XPOT: variants seen among roughly 807,000 people sequenced by gnomAD.
XPOT encodes the protein exportin for tRNA.
A neutral mutation model predicts 128.2 loss-of-function variants in XPOT; 34 were observed. The ratio of observed to expected loss-of-function variants is 0.27; its 90% CI spans 0.20 to 0.35. The LOEUF is 0.35. XPOT is among the 10% of genes least tolerant of loss of function. XPOT has a pLI of 1.00. For synonymous variants in XPOT, 348 were observed against 394.3 expected (o/e 0.88, Z 1.39); for missense variants, 838 against 1,125.3 (o/e 0.74, Z 3.65).
intron 23 of XPOT, chr12:64,443,297 A>G (rs2040341709): frequency 1.3e-5 from 2 of 152,242 alleles, no homozygotes; most frequent in Admixed American, 1.3e-4. Flanking sequence ...GGTATTGCAG[A>G]AGGGTAAGGG....
chr12:64,409,814 A>G (rs1240165344), intron 1 of XPOT, 148 bp from the exon 2 acceptor site: 1 of 523,466 alleles, frequency 1.9e-6, no homozygotes. Context: ...ATTAGGCTCT[A>G]ACTTTTAGTT....
rs1411612522 is a variant in XPOT, at chr12:64,423,014, C to T, written c.1090C>T (p.Leu364Phe). 1 of 1,613,068 alleles carries T rather than the reference C, an allele frequency of 6.2e-7. No homozygotes were observed. ...GCTTCCTTTTTAACAGCTTACAGTG[C>T]TCTCGGATCAGCAAAAAGCTAATGT... ...YLHILKQLTV[L>F]SDQQKANVEA... Residue 364 changes from leucine to phenylalanine, a missense_variant, in exon 10 of 25, where the codon CTC (leucine) becomes TTC (phenylalanine). Around this residue, in one of 3 missense-constraint regions of XPOT, gnomAD observed 761 missense variants for 988.3 expected, o/e 0.77. Transcript: ENST00000332707.
At chr12:64,406,871 C>G (rs1378261053) in intron 1 of XPOT, among the ~76,000 whole-genome samples, 2 of 152,158 alleles carry the variant, frequency 1.3e-5, no homozygotes, top group East Asian at 3.8e-4. Context: ...TTTAAAAATG[C>G]TGATCTGGTA....
Position 64,450,185 on chromosome 12 carries a change from T to C in XPOT, c.*2054T>C, listed in dbSNP as rs1693078517. ...TTTCTTTTTTTTTTTTGAATAGAGA[T>C]CAGTCTATCACCCAGGCTGGAGTGC... On this transcript the variant is annotated 3_prime_UTR_variant, in exon 25 of 25. Coordinates refer to ENST00000332707, the MANE Select transcript of XPOT (RefSeq NM_007235.6). The C allele has an allele frequency of 6.6e-6, 1 of 151,500 alleles. No homozygotes were observed. Among genetic ancestry groups the C allele is most frequent in the African/African-American group, 2.4e-5 (1 of 41,164 alleles). 9.4% of individuals were successfully genotyped at this position (151,500 alleles called of 1,614,324 possible). A position where few individuals can be genotyped will look rare whatever the true frequency, so the allele number is the denominator to read the frequency against.
chr12:64,407,600 G>T (rs1418304740), intron 1 of XPOT, among the ~76,000 whole-genome samples: 8 of 152,138 alleles, frequency 5.3e-5, no homozygotes, highest in African/African-American at 1.9e-4. Context: ...AGAGGTCAAA[G>T]AAGTGTTCTT....
chr12:64,413,208 T>A (rs530986008), intron 2 of XPOT, among the ~76,000 whole-genome samples: 6 of 152,212 alleles, frequency 3.9e-5, no homozygotes, highest in Non-Finnish European at 5.9e-5. Flanking sequence ...TCTCTAGTGA[T>A]CCTTCCACCT....
Position 64,431,621 on chromosome 12 carries a change from T to A in XPOT, c.2060T>A (p.Phe687Tyr). 1 of 1,613,944 alleles carries A rather than the reference T, an allele frequency of 6.2e-7. No individual in the cohort carries two copies. Among genetic ancestry groups the A allele is most frequent in the Non-Finnish European group, 8.5e-7 (1 of 1,179,852 alleles). The change falls in exon 18 of 25, where the codon TTC becomes TAC. Residue 687 changes from phenylalanine to tyrosine, a missense_variant. Physicochemically the swap from Phe to Tyr is conservative, Grantham distance 22. Around this residue, in one of 3 missense-constraint regions of XPOT, gnomAD observed 761 missense variants for 988.3 expected, o/e 0.77. Coordinates refer to ENST00000332707, the MANE Select transcript of XPOT (RefSeq NM_007235.6). ...GTTTATCTGGACTGTTTACAGACATTCTTGCCAGCCCTCAGTTGTCCCTTA... is the reference window on the plus strand; with the variant it reads ...GTTTATCTGGACTGTTTACAGACATACTTGCCAGCCCTCAGTTGTCCCTTA... ...SEVYLDCLQT[F>Y]LPALSCPLQK...
intron 1 of XPOT, among the ~76,000 whole-genome samples, chr12:64,406,394 G>A (rs529942553): frequency 3.5e-5 from 5 of 142,566 alleles, no homozygotes; most frequent in African/African-American, 1.3e-4. Flanking sequence ...TTTAGATGGA[G>A]TTTCGCTCTC....
At chr12:64,429,222 T>A (rs1454979927) in intron 16 of XPOT, among the ~76,000 whole-genome samples, 1 of 152,148 alleles carries the variant, frequency 6.6e-6, no homozygotes, top group African/African-American at 2.4e-5. Context: ...AGAAGAAAAG[T>A]CTGTCCACCT....
intron 3 of XPOT, among the ~76,000 whole-genome samples, chr12:64,415,413 C>T (rs539201993): frequency 1.1e-4 from 17 of 151,894 alleles, no homozygotes; most frequent in African/African-American, 2.4e-4. Flanking sequence ...CTCGCTTTGT[C>T]GCCCAGGCTG....
intron 4 of XPOT, 48 bp from the exon 5 acceptor site, chr12:64,417,998 T>C: frequency 5.4e-6 from 8 of 1,486,954 alleles, no homozygotes; most frequent in Non-Finnish European, 7.4e-6. Context: ...TTTACAACCA[T>C]AGACACCAAA....
At chr12:64,414,445 G>C (rs2040068433) in intron 2 of XPOT, among the ~76,000 whole-genome samples, 2 of 152,096 alleles carry the variant, frequency 1.3e-5, no homozygotes, top group African/African-American at 4.8e-5. Context: ...GATCAGATAA[G>C]GTACACAGTA....
chr12:64,427,499 G>C (rs1257770130), intron 15 of XPOT, among the ~76,000 whole-genome samples: 1 of 145,260 alleles, frequency 6.9e-6, no homozygotes, highest in Non-Finnish European at 1.5e-5. Context: ...ATTGTTTTTT[G>C]TTGTTATTTT....
rs772762082 is a variant in XPOT at position 64,409,991 on chromosome 12, G to A, written c.-45G>A. Reference sequence around the variant, plus strand: ...TTATAAATTCTTCTGTGGGATCAGAGGGCACGCCTATTACAACCAGAAAAC... The same window carrying A: ...TTATAAATTCTTCTGTGGGATCAGAAGGCACGCCTATTACAACCAGAAAAC... On this transcript the variant is annotated 5_prime_UTR_variant, in exon 2 of 25. Transcript: ENST00000332707. The A allele has an allele frequency of 2.0e-6, 3 of 1,535,386 alleles. No homozygotes were observed. Among genetic ancestry groups the A allele is most frequent in the Non-Finnish European group, 2.7e-6 (3 of 1,110,406 alleles).
intron 1 of XPOT, among the ~76,000 whole-genome samples, chr12:64,406,759 G>T (rs1190676369): frequency 1.3e-5 from 2 of 152,092 alleles, no homozygotes; most frequent in South Asian, 4.1e-4. Context: ...CTCCGAAATC[G>T]TTTTTTCTCT....
rs1383928376 is a variant in XPOT, at chr12:64,408,547, GC to G, written c.-74-1413del. Among the ~76,000 whole-genome samples, 3 of 152,130 alleles carry G rather than the reference GC, an allele frequency of 2.0e-5. No individual in the cohort carries two copies. The East Asian group carries it at 5.8e-4, about 29-fold the overall frequency. The stretch of plus-strand genomic sequence containing the variant: ...TATGCATTCTATCAAAAACTAGGAT[GC>G]CTTTTGCAGCTTATTATTTGAGAAT... On this transcript the variant is annotated intron_variant, in intron 1 of 24. Transcript: ENST00000332707.
At chr12:64,433,725 A>T (rs1016473116) in intron 19 of XPOT, 122 bp downstream of exon 19, 1 of 921,366 alleles carries the variant, frequency 1.1e-6, no homozygotes, top group Non-Finnish European at 1.5e-6. Flanking sequence ...CCATGGGAAG[A>T]CAGTTTATTG....
intron 10 of XPOT, 38 bp downstream of exon 10, chr12:64,423,081 T>A (rs12833706): frequency 1.2e-6 from 2 of 1,608,020 alleles, no homozygotes; most frequent in Non-Finnish European, 1.7e-6. Context: ...CAATGATAGA[T>A]TTTTAGTCTG....
chr12:64,440,386 G>T (rs187928634), intron 23 of XPOT, among the ~76,000 whole-genome samples: 109 of 152,160 alleles, frequency 7.2e-4, no homozygotes, highest in African/African-American at 2.4e-3. Flanking sequence ...GATTCATTGG[G>T]GCTATTTTCA....
Sources: allele counts gnomAD v4.1 joint callset (sites outside exome capture counted in the v4.1 genomes callset), GRCh38; gene constraint gnomAD v4.1.1; regional missense constraint gnomAD v4.1.1; transcripts MANE v1.5; gene names NCBI Gene and HGNC (gene_info 2026-07-23, HGNC 2026-07-21).